The following TLK1 variants were observed in gnomAD, a reference collection of about 807,000 sequenced individuals.
TLK1 encodes the protein serine/threonine-protein kinase tousled-like 1.
In TLK1, 24 loss-of-function variants were observed where a neutral mutation model predicts 105.3. The observed-to-expected ratio is 0.23, with a 90% CI of 0.17 to 0.32. The LOEUF is 0.32. Ranked by LOEUF, TLK1 falls within the 10% of genes least tolerant of loss-of-function variation. The probability of loss-of-function intolerance (pLI) is 1.00; values close to 1 mark genes in which losing one functional copy is unlikely to be tolerated. For synonymous variants in TLK1, 321 were observed against 310.4 expected, an observed-to-expected ratio of 1.03 and a Z score of -0.36; for missense variants, 558 against 910.5, an observed-to-expected ratio of 0.61 and a Z score of 4.98.
At chr2:171,176,805 T>C (rs377752862) in intron 1 of TLK1, among the ~76,000 whole-genome samples, 11 of 152,134 alleles carry the variant, frequency 7.2e-5, no homozygotes, top group African/African-American at 2.2e-4. Context: ...CCTTGCTCAC[T>C]CTCTGCTTCA....
intron 2 of TLK1, among the ~76,000 whole-genome samples, chr2:171,096,632 C>A (rs1415531372): frequency 1.3e-5 from 2 of 151,924 alleles, no homozygotes; most frequent in Admixed American, 1.3e-4. Flanking sequence ...GTGGCAGGCG[C>A]CTATAGTCCC....
intron 1 of TLK1, among the ~76,000 whole-genome samples, chr2:171,207,778 T>C (rs1693533355): frequency 6.6e-6 from 1 of 152,150 alleles, no homozygotes; most frequent in African/African-American, 2.4e-5. Flanking sequence ...TGGAGTACAG[T>C]GGCATGATCT....
chr2:171,129,686 A>T (rs773630616), intron 1 of TLK1, among the ~76,000 whole-genome samples: 1 of 152,088 alleles, frequency 6.6e-6, no homozygotes, highest in African/African-American at 2.4e-5. Context: ...AAAAAAATTT[A>T]AAAAATTATC....
At chr2:171,215,614 C>CTATT (rs1693699259) in intron 1 of TLK1, among the ~76,000 whole-genome samples, 1 of 152,114 alleles carries the variant, frequency 6.6e-6, no homozygotes, top group Non-Finnish European at 1.5e-5. Flanking sequence ...TATAGGCTTC[C>CTATT]CTAATAGTGA....
intron 12 of TLK1, among the ~76,000 whole-genome samples, chr2:171,021,975 T>C (rs1350586106): frequency 6.6e-6 from 1 of 151,718 alleles, no homozygotes; most frequent in African/African-American, 2.4e-5. Context: ...TGGTGGCACA[T>C]GCCTGTAATC....
chr2:171,109,893 T>A (rs1282848061), intron 2 of TLK1, among the ~76,000 whole-genome samples: 1 of 152,220 alleles, frequency 6.6e-6, no homozygotes, highest in African/African-American at 2.4e-5. Flanking sequence ...ATATACTGCA[T>A]ACTTTCATTT....
intron 12 of TLK1, among the ~76,000 whole-genome samples, chr2:171,022,027 T>C (rs1242122010): frequency 2.6e-5 from 4 of 151,006 alleles, no homozygotes; most frequent in Non-Finnish European, 5.9e-5. Flanking sequence ...CGATTGAACC[T>C]GGGAAGCGGA....
chr2:171,223,667 A>G (rs1016233992), intron 1 of TLK1, among the ~76,000 whole-genome samples: 3 of 151,868 alleles, frequency 2.0e-5, no homozygotes, highest in Non-Finnish European at 4.4e-5. Flanking sequence ...TTTAGTAGAG[A>G]TGGGGTTTTG....
chr2:171,107,699 T>C (rs149045233), intron 2 of TLK1, among the ~76,000 whole-genome samples: 1 of 151,806 alleles, frequency 6.6e-6, no homozygotes, highest in African/African-American at 2.4e-5. Flanking sequence ...TGCGAAGGAG[T>C]TTCCACTGGC....
chr2:171,117,270 T>C (rs1481650535), intron 2 of TLK1, among the ~76,000 whole-genome samples: 1 of 152,146 alleles, frequency 6.6e-6, no homozygotes, highest in Non-Finnish European at 1.5e-5. Context: ...CGCTGCTGAA[T>C]CAAACAGGTG....
At chr2:170,993,989 T>C in intron 20 of TLK1, 33 bp from the exon 21 acceptor site, 1 of 1,552,506 alleles carries the variant, frequency 6.4e-7, no homozygotes, top group Non-Finnish European at 8.7e-7. Flanking sequence ...TAGCAATTAA[T>C]GATCTTTTTC....
At chr2:171,008,943 G>A (rs1251653798) in intron 14 of TLK1, among the ~76,000 whole-genome samples, 4 of 152,186 alleles carry the variant, frequency 2.6e-5, no homozygotes, top group African/African-American at 9.7e-5. Flanking sequence ...TTTAGGCCAC[G>A]CTAATGCTAA....
intron 1 of TLK1, chr2:171,153,802 T>C (rs1174925443): frequency 6.6e-6 from 1 of 152,214 alleles, no homozygotes. Flanking sequence ...ATTATTAATA[T>C]ATTAATAAGT....
chr2:171,090,153 T>C (rs560593118), intron 2 of TLK1, among the ~76,000 whole-genome samples: 21 of 152,316 alleles, frequency 1.4e-4, no homozygotes, highest in African/African-American at 5.1e-4. Flanking sequence ...TGAAGATGTC[T>C]TGAGTATCTT....
intron 1 of TLK1, among the ~76,000 whole-genome samples, chr2:171,218,895 A>C (rs565702706): frequency 2.0e-5 from 3 of 152,288 alleles, no homozygotes; most frequent in African/African-American, 7.2e-5. Context: ...CAAACATTCA[A>C]ACCATAGCAC....
At chr2:171,194,480 A>C (rs1309310787) in intron 1 of TLK1, among the ~76,000 whole-genome samples, 2 of 152,226 alleles carry the variant, frequency 1.3e-5, no homozygotes, top group Non-Finnish European at 2.9e-5. Context: ...TTGGGGGTTG[A>C]GAAAAAGTTC....
intron 1 of TLK1, among the ~76,000 whole-genome samples, chr2:171,132,291 T>G (rs150418859): frequency 6.6e-6 from 1 of 152,250 alleles, no homozygotes; most frequent in African/African-American, 2.4e-5. Flanking sequence ...ACCCAGCATG[T>G]GGGAAAGCGC....
intron 2 of TLK1, among the ~76,000 whole-genome samples, chr2:171,113,566 C>A (rs1339415039): frequency 6.6e-6 from 1 of 152,142 alleles, no homozygotes. Context: ...AGCCACCACA[C>A]CCAGCCCACA....
intron 1 of TLK1, among the ~76,000 whole-genome samples, chr2:171,158,271 A>T (rs568251234): frequency 2.0e-5 from 3 of 152,224 alleles, no homozygotes. Context: ...AACTTTCACA[A>T]AAGCCTGTCC....
Sources: gnomAD v4.1 joint callset for allele counts (sites outside exome capture counted in the v4.1 genomes callset) on GRCh38, gnomAD v4.1.1 for gene constraint, MANE v1.5 for transcripts, NCBI Gene and HGNC (gene_info 2026-07-23, HGNC 2026-07-21) for gene names.